Variants in TREM1 observed in about 807,000 individuals in gnomAD.
TREM1 encodes triggering receptor expressed on monocytes 1.
TREM1 carries 16 observed loss-of-function variants against 22.4 expected under a neutral mutation model. That is an observed-to-expected ratio of 0.71 (90% CI 0.48 to 1.08). The LOEUF is 1.08. Ranked by LOEUF, TREM1 falls within the 50% of genes least tolerant of loss-of-function variation. The pLI is 0.00. For synonymous variants in TREM1, 110 were observed against 111.6 expected (o/e 0.99, Z 0.09); for missense variants, 283 against 282.9 (o/e 1.00, Z 0.00).
At chr6:41,279,080 T>C (rs1433301221) in intron 3 of TREM1, among the ~76,000 whole-genome samples, 2 of 152,180 alleles carry the variant, frequency 1.3e-5, no homozygotes, top group African/African-American at 4.8e-5. Context: ...GCCCTCCCCC[T>C]TCCACCACGT....
At chr6:41,269,171 A>G (rs1247985023), downstream of TREM1, among the ~76,000 whole-genome samples, 1 of 152,226 alleles carries the variant, frequency 6.6e-6, no homozygotes, top group Non-Finnish European at 1.5e-5. Context: ...AGGCAAAAGC[A>G]CTGAGCTCCA....
rs538755395 is a variant in TREM1, at chr6:41,283,229, G to A, written c.50-478C>T. On this transcript the variant is annotated intron_variant, in intron 1 of 3. Transcript: ENST00000244709. ...AAGGAGATCAGCTCAAAAGACCTTTGGACAAACAGTGAGGAAGCCGTCTGG... is the reference window on the plus strand; with the variant it reads ...AAGGAGATCAGCTCAAAAGACCTTTAGACAAACAGTGAGGAAGCCGTCTGG... Among the ~76,000 whole-genome samples, 10 of 152,342 alleles carry A rather than the reference G, an allele frequency of 6.6e-5. No homozygotes were observed. In the South Asian group the frequency reaches 8.3e-4, roughly 13 times the overall value.
At chr6:41,281,479 G>A (rs1767918528) in intron 2 of TREM1, 2 of 317,640 alleles carry the variant, frequency 6.3e-6, no homozygotes, top group Admixed American at 9.4e-5. Context: ...AAATGAACTT[G>A]CCTTCTGTTC....
intron 3 of TREM1, among the ~76,000 whole-genome samples, chr6:41,276,555 C>T (rs896845483): frequency 5.3e-5 from 8 of 152,124 alleles, no homozygotes; most frequent in Admixed American, 4.6e-4. Flanking sequence ...CAGTACCGTA[C>T]CCTGCCTACT....
chr6:41,270,446 AATATATATATATATATATAT>A (rs68021402), downstream of TREM1, among the ~76,000 whole-genome samples: 14 of 144,008 alleles, frequency 9.7e-5, no homozygotes, highest in East Asian at 3.9e-4. Context: ...GATATTATAT[AATATATATATATATATATAT>A]ATATATATAT....
chr6:41,282,180 A>G, intron 2 of TREM1: 1 of 530,394 alleles, frequency 1.9e-6, no homozygotes, highest in Non-Finnish European at 3.3e-6. Context: ...TTGTACCCCA[A>G]TTCCTACCAC....
intron 3 of TREM1, among the ~76,000 whole-genome samples, chr6:41,279,323 G>C (rs1022438419): frequency 6.6e-6 from 1 of 152,218 alleles, no homozygotes; most frequent in African/African-American, 2.4e-5. Flanking sequence ...CCTGGGGAGC[G>C]CTTTCTCGCT....
chr6:41,281,233 T>C, intron 2 of TREM1, 80 bp from the exon 3 acceptor site: 1 of 1,483,252 alleles, frequency 6.7e-7, no homozygotes, highest in Non-Finnish European at 9.1e-7. Flanking sequence ...GATGTATGGA[T>C]GTATGGATGA....
At position 41,274,764 on chromosome 6, in the gene TREM1, G is replaced by A. The variant is rs775187136; in HGVS notation, c.*1361C>T. ...TAGGGGAATGGGGAAGTCCTTATGC[G>A]ATGGAGCAGTCTGGAAGCTGGACCT... On this transcript the variant is annotated 3_prime_UTR_variant, in exon 4 of 4. Coordinates refer to ENST00000244709, the MANE Select transcript of TREM1 (RefSeq NM_018643.5). 2.0e-5 allele frequency among the ~76,000 whole-genome samples: 3 copies of A among 152,106 alleles called. No individual in the cohort carries two copies. The highest frequency in any genetic ancestry group is 4.4e-5 in the Non-Finnish European group (3 of 68,014).
intron 2 of TREM1, 121 bp downstream of exon 2, chr6:41,282,274 A>G: frequency 1.3e-6 from 1 of 758,628 alleles, no homozygotes; most frequent in Non-Finnish European, 2.2e-6. Context: ...GATGAGAGAT[A>G]AAGAGGTCCT....
chr6:41,281,084 G>T lies in TREM1; in HGVS notation c.476C>A (p.Thr159Asn). 6.2e-7 allele frequency: 1 copy of T among 1,614,218 alleles called. No individual in the cohort carries two copies. The highest frequency in any genetic ancestry group is 1.1e-5 in the South Asian group (1 of 91,090). Residue 159 changes from threonine to asparagine, a missense_variant, in exon 3 of 4, where the codon ACT becomes AAT. Physicochemically the swap from Thr to Asn is moderately conservative, Grantham distance 65. Coordinates refer to ENST00000244709, the MANE Select transcript of TREM1 (RefSeq NM_018643.5). Reference protein sequence around the residue: ...QNVYKIPPTTTKALCPLYTSP... With the variant: ...QNVYKIPPTTNKALCPLYTSP... ...GGTATAGAGTGGGCACAAGGCCTTA[G>T]TGGTGGTAGGAGGAATCTTATACAC... is the stretch of plus-strand genomic sequence containing the variant.
At chr6:41,282,356 A>G in intron 2 of TREM1, 39 bp downstream of exon 2, 6 of 1,514,774 alleles carry the variant, frequency 4.0e-6, no homozygotes, top group Non-Finnish European at 5.4e-6. Context: ...CCCTTTCCTC[A>G]CCTGGCCCTT....
downstream of TREM1, among the ~76,000 whole-genome samples, chr6:41,268,996 T>C (rs1582133388): frequency 6.6e-6 from 1 of 152,302 alleles, no homozygotes; most frequent in South Asian, 2.1e-4. Context: ...CTTGGTCAAC[T>C]GTTTATTTGC....
chr6:41,282,773 G>T, intron 1 of TREM1, 22 bp from the exon 2 acceptor site: 1 of 1,580,306 alleles, frequency 6.3e-7, no homozygotes, highest in Non-Finnish European at 8.6e-7. Context: ...GAAAGAGAAT[G>T]GGTTCTGTGA....
rs1434582851 is a variant in TREM1, at chr6:41,286,585, T to C, written c.49+22A>G. ...ATCCTGGACCAAACGCCTCCCCTGC[T>C]CAGTCCTCTTCCTTGTCTTACCTGA... On this transcript the variant is annotated intron_variant, in intron 1 of 3. Coordinates refer to ENST00000244709, the MANE Select transcript of TREM1 (RefSeq NM_018643.5). 4 of 1,613,406 alleles carry C rather than the reference T, an allele frequency of 2.5e-6. 1 individual carries two copies. The South Asian group carries it at 4.4e-5, about 18-fold the overall frequency.
Position 41,281,125 on chromosome 6 carries a change from C to T in TREM1, c.435G>A (p.Glu145=). 6.2e-7 allele frequency: 1 copy of T among 1,614,000 alleles called. No individual in the cohort carries two copies. Among genetic ancestry groups the T allele is most frequent in the Non-Finnish European group, 8.5e-7 (1 of 1,179,918 alleles). ...TCTTATACACATTCTGGGTAGAATT[C>T]TCATTGGAGCCAGGGGTCCCTGAAA... ...KGFSGTPGSN[E]NSTQNVYKIP... is the part of the protein sequence containing the mutation. The change falls in exon 3 of 4, where the codon GAG becomes GAA. Residue 145 remains glutamate (E), a synonymous_variant. Transcript: ENST00000244709.
At chr6:41,284,865 AAAC>A (rs1768091324) in intron 1 of TREM1, among the ~76,000 whole-genome samples, 1 of 152,186 alleles carries the variant, frequency 6.6e-6, no homozygotes, top group Admixed American at 6.5e-5. Context: ...GTTTCTAGGG[AAAC>A]CTCGGAAACA....
chr6:41,279,526 T>A (rs111838034), intron 3 of TREM1: 16,212 of 981,290 alleles, frequency 0.017, 720 homozygotes, highest in African/African-American at 0.16. Context: ...AAAAAAAAAA[T>A]TGACTCTTAG....
downstream of TREM1, among the ~76,000 whole-genome samples, chr6:41,270,718 CT>C (rs1291894698): frequency 6.6e-6 from 1 of 152,022 alleles, no homozygotes; most frequent in Non-Finnish European, 1.5e-5. Context: ...TTGTTTTTGT[CT>C]TTGTTTTTTG....
Sources: allele counts gnomAD v4.1 joint callset (sites outside exome capture counted in the v4.1 genomes callset), GRCh38; gene constraint gnomAD v4.1.1; transcripts MANE v1.5; gene names NCBI Gene and HGNC (gene_info 2026-07-23, HGNC 2026-07-21).